Variants in SAMMSON observed in about 807,000 individuals in gnomAD.
SAMMSON encodes survival associated mitochondrial melanoma specific oncogenic non-coding RNA.
At chr3:70,168,000 G>A (rs956489897) in intron 4 of SAMMSON, among the ~76,000 whole-genome samples, 7 of 152,008 alleles carry the variant, frequency 4.6e-5, no homozygotes, top group Non-Finnish European at 2.9e-5. Flanking sequence ...GGGAAAAATA[G>A]CATCTTCACA....
chr3:70,132,812 C>T (rs2067488141), intron 4 of SAMMSON, among the ~76,000 whole-genome samples: 1 of 150,334 alleles, frequency 6.7e-6, no homozygotes, highest in Non-Finnish European at 1.5e-5. Flanking sequence ...AATTTATGAA[C>T]CTTGTCATTC....
chr3:70,188,801 A>G (rs1175954956), intron 4 of SAMMSON, among the ~76,000 whole-genome samples: 1 of 152,220 alleles, frequency 6.6e-6, no homozygotes, highest in Non-Finnish European at 1.5e-5. Flanking sequence ...TGAGGCTCAG[A>G]GAGGTTTAGT....
chr3:70,395,982 A>T (rs559558893), intron 2 of SAMMSON, among the ~76,000 whole-genome samples: 1 of 152,218 alleles, frequency 6.6e-6, no homozygotes, highest in Non-Finnish European at 1.5e-5. Context: ...TCTTTTTAAA[A>T]CTTCAATAAT....
chr3:70,004,013 C>A (rs1022410856), intron 1 of SAMMSON, among the ~76,000 whole-genome samples: 1 of 151,656 alleles, frequency 6.6e-6, no homozygotes, highest in African/African-American at 2.4e-5. Flanking sequence ...TTAAAAGCTT[C>A]TTTTTTCTTT....
intron 4 of SAMMSON, among the ~76,000 whole-genome samples, chr3:70,207,463 G>C (rs1472345778): frequency 1.3e-5 from 2 of 151,970 alleles, no homozygotes; most frequent in Non-Finnish European, 1.5e-5. Context: ...GGAATTTCTA[G>C]CGAAGTTCTT....
At chr3:70,432,034 A>G (rs182516649) in intron 2 of SAMMSON, among the ~76,000 whole-genome samples, 18 of 152,148 alleles carry the variant, frequency 1.2e-4, no homozygotes, top group Non-Finnish European at 2.4e-4. Flanking sequence ...AAAGATGTAC[A>G]TGTAGGTCTT....
At chr3:70,121,736 TG>T (rs2067434342) in intron 4 of SAMMSON, among the ~76,000 whole-genome samples, 1 of 152,186 alleles carries the variant, frequency 6.6e-6, no homozygotes, top group Non-Finnish European at 1.5e-5. Context: ...TTTCTGGTGC[TG>T]GTGCTGCCTT....
At chr3:70,345,923 A>C (rs1702747199) in intron 7 of SAMMSON, among the ~76,000 whole-genome samples, 1 of 152,224 alleles carries the variant, frequency 6.6e-6, no homozygotes, top group Non-Finnish European at 1.5e-5. Context: ...TTGATTATGA[A>C]TAAGGTTGCA....
At chr3:70,106,810 G>A (rs2067368930) in intron 4 of SAMMSON, among the ~76,000 whole-genome samples, 1 of 152,090 alleles carries the variant, frequency 6.6e-6, no homozygotes, top group Non-Finnish European at 1.5e-5. Context: ...TACATGTGTT[G>A]GTTAAGATAG....
At chr3:70,007,005 C>G (rs1576092818) in intron 1 of SAMMSON, among the ~76,000 whole-genome samples, 1 of 152,148 alleles carries the variant, frequency 6.6e-6, no homozygotes, top group South Asian at 2.1e-4. Flanking sequence ...GCATAGTATT[C>G]CATGGTGTAT....
At chr3:70,421,784 G>C (rs186073143) in intron 2 of SAMMSON, among the ~76,000 whole-genome samples, 1 of 152,170 alleles carries the variant, frequency 6.6e-6, no homozygotes, top group East Asian at 1.9e-4. Flanking sequence ...TCAAATGCTT[G>C]GTCTTAATTA....
At chr3:70,307,777 C>T (rs541067955) in intron 7 of SAMMSON, among the ~76,000 whole-genome samples, 1 of 152,304 alleles carries the variant, frequency 6.6e-6, no homozygotes, top group South Asian at 2.1e-4. Flanking sequence ...CTCAGGCCTC[C>T]AGTGACAACA....
At chr3:70,431,391 T>C (rs543295968) in intron 2 of SAMMSON, among the ~76,000 whole-genome samples, 1 of 152,166 alleles carries the variant, frequency 6.6e-6, no homozygotes, top group South Asian at 2.1e-4. Flanking sequence ...TTTAGAACAC[T>C]GCATGGTTCT....
At chr3:70,419,311 A>G (rs1701293304) in intron 2 of SAMMSON, among the ~76,000 whole-genome samples, 1 of 151,926 alleles carries the variant, frequency 6.6e-6, no homozygotes, top group Admixed American at 6.6e-5. Flanking sequence ...GAGATTACAG[A>G]CATGAGCCAC....
At chr3:70,024,240 A>G (rs1167221941) in intron 3 of SAMMSON, among the ~76,000 whole-genome samples, 2 of 152,186 alleles carry the variant, frequency 1.3e-5, no homozygotes, top group Non-Finnish European at 2.9e-5. Context: ...GAACCATTGC[A>G]TGCTTTTCAC....
intron 4 of SAMMSON, among the ~76,000 whole-genome samples, chr3:70,137,155 G>C (rs2067509366): frequency 6.6e-6 from 1 of 152,080 alleles, no homozygotes; most frequent in African/African-American, 2.4e-5. Flanking sequence ...TGGTCATATA[G>C]AATTAGGTAA....
At chr3:70,031,396 T>C (rs1461872364) in intron 3 of SAMMSON, among the ~76,000 whole-genome samples, 1 of 151,250 alleles carries the variant, frequency 6.6e-6, no homozygotes, top group Non-Finnish European at 1.5e-5. Context: ...AGATAGGGGG[T>C]ATGGAGAGTT....
At chr3:70,012,878 G>T (rs564477540) in intron 2 of SAMMSON, among the ~76,000 whole-genome samples, 1 of 152,142 alleles carries the variant, frequency 6.6e-6, no homozygotes, top group South Asian at 2.1e-4. Context: ...TGGTATAAGG[G>T]TCTTGGGGCC....
At chr3:70,102,401 G>A (rs1392415694) in intron 4 of SAMMSON, among the ~76,000 whole-genome samples, 1 of 152,158 alleles carries the variant, frequency 6.6e-6, no homozygotes, top group East Asian at 1.9e-4. Flanking sequence ...ATAACATACT[G>A]AAGTATGATT....
Sources: gnomAD v4.1 joint callset for allele counts (sites outside exome capture counted in the v4.1 genomes callset) on GRCh38, gnomAD v4.1.1 for gene constraint, MANE v1.5 for transcripts, NCBI Gene and HGNC (gene_info 2026-07-23, HGNC 2026-07-21) for gene names.